Variants in GATB observed in about 807,000 individuals in gnomAD.
The protein encoded by GATB is glutamyl-tRNA amidotransferase subunit B.
Under a neutral mutation model 62.3 loss-of-function variants are expected in GATB, and 39 were observed. The observed-to-expected ratio is 0.63, with a 90% CI of 0.48 to 0.82. GATB has a LOEUF of 0.82. Among genes scored for constraint, GATB ranks in the 40% least tolerant of loss-of-function variants. The pLI, the probability that GATB is intolerant of heterozygous loss-of-function variation, is 0.00. For missense variants in GATB, 670 were observed against 684.0 expected, an observed-to-expected ratio of 0.98 and a Z score of 0.23; for synonymous variants, 276 against 258.9, an observed-to-expected ratio of 1.07 and a Z score of -0.63.
intron 2 of GATB, among the ~76,000 whole-genome samples, chr4:151,757,611 T>C (rs1224717704): frequency 6.6e-6 from 1 of 151,822 alleles, no homozygotes; most frequent in Non-Finnish European, 1.5e-5. Context: ...TAACTGGGAC[T>C]ACAGGAGCCC....
At chr4:151,755,181 C>A (rs1441018463) in intron 2 of GATB, among the ~76,000 whole-genome samples, 7 of 152,154 alleles carry the variant, frequency 4.6e-5, no homozygotes, top group Non-Finnish European at 7.4e-5. Context: ...TCACACAAAT[C>A]CAATGAGTCA....
At chr4:151,727,451 A>T (rs1365764207) in intron 2 of GATB, among the ~76,000 whole-genome samples, 2 of 152,240 alleles carry the variant, frequency 1.3e-5, no homozygotes, top group African/African-American at 4.8e-5. Context: ...ATACTTGGCC[A>T]GTTAGCCATG....
At chr4:151,725,149 A>G (rs1224783565) in intron 2 of GATB, among the ~76,000 whole-genome samples, 2 of 152,258 alleles carry the variant, frequency 1.3e-5, no homozygotes, top group Non-Finnish European at 2.9e-5. Context: ...TAGAAGCTGG[A>G]GCCATGGGTA....
At chr4:151,713,641 T>C (rs1738861896) in intron 5 of GATB, among the ~76,000 whole-genome samples, 1 of 152,212 alleles carries the variant, frequency 6.6e-6, no homozygotes, top group South Asian at 2.1e-4. Flanking sequence ...AATCAAAGCC[T>C]GGGAACCTAC....
At chr4:151,736,028 G>A (rs769940348) in intron 2 of GATB, among the ~76,000 whole-genome samples, 1 of 151,626 alleles carries the variant, frequency 6.6e-6, no homozygotes, top group East Asian at 1.9e-4. Flanking sequence ...GGAAAAAAAA[G>A]AAGAAACTAA....
chr4:151,755,605 C>T (rs1739811664), intron 2 of GATB, among the ~76,000 whole-genome samples: 1 of 152,096 alleles, frequency 6.6e-6, no homozygotes, highest in African/African-American at 2.4e-5. Flanking sequence ...TCTCCCCAAC[C>T]CAAGGACAAA....
intron 2 of GATB, among the ~76,000 whole-genome samples, chr4:151,738,217 ACC>A (rs943935325): frequency 2.3e-4 from 35 of 152,304 alleles, no homozygotes; most frequent in African/African-American, 4.8e-4. Flanking sequence ...GACCATGGGA[ACC>A]CATCTTTTGC....
chr4:151,751,170 G>C (rs1417216307), intron 2 of GATB, among the ~76,000 whole-genome samples: 1 of 152,088 alleles, frequency 6.6e-6, no homozygotes, highest in Admixed American at 6.5e-5. Flanking sequence ...TGTGAGAACA[G>C]GGGTGTGGTA....
intron 9 of GATB, among the ~76,000 whole-genome samples, chr4:151,696,436 C>T (rs1738471202): frequency 6.6e-6 from 1 of 152,208 alleles, no homozygotes; most frequent in South Asian, 2.1e-4. Context: ...TGACTCCAAA[C>T]ATCAATTAAC....
At chr4:151,700,782 G>C (rs1738586508) in intron 9 of GATB, among the ~76,000 whole-genome samples, 1 of 152,214 alleles carries the variant, frequency 6.6e-6, no homozygotes, top group African/African-American at 2.4e-5. Flanking sequence ...GATCTTGACA[G>C]TGTCAGGTTC....
At chr4:151,675,297 T>C (rs1737974789) in intron 11 of GATB, 1 of 152,118 alleles carries the variant, frequency 6.6e-6, no homozygotes, top group Non-Finnish European at 1.5e-5. Flanking sequence ...GTGGCTGAAA[T>C]GTCCTTTCCT....
At chr4:151,696,167 T>G (rs10001439) in intron 9 of GATB, among the ~76,000 whole-genome samples, 20,802 of 152,152 alleles carry the variant, frequency 0.14, 1,631 homozygotes, top group African/African-American at 0.21. Context: ...ACGGCTTATA[T>G]TACTTTTCTT....
intron 9 of GATB, among the ~76,000 whole-genome samples, chr4:151,697,963 A>ATATGTGTG (rs1553967150): frequency 3.4e-5 from 4 of 116,672 alleles, no homozygotes; most frequent in African/African-American, 1.2e-4. Context: ...GTATATATAT[A>ATATGTGTG]TATATATATA....
At chr4:151,725,957 G>T (rs959775147) in intron 2 of GATB, among the ~76,000 whole-genome samples, 2 of 152,118 alleles carry the variant, frequency 1.3e-5, no homozygotes, top group Non-Finnish European at 2.9e-5. Flanking sequence ...TTAAAAAATT[G>T]AGGTGACATG....
intron 2 of GATB, among the ~76,000 whole-genome samples, chr4:151,728,711 T>C (rs1323985122): frequency 6.6e-6 from 1 of 152,212 alleles, no homozygotes; most frequent in Non-Finnish European, 1.5e-5. Context: ...GAATCAGTGA[T>C]AGTAACAAGA....
At chr4:151,702,167 G>A (rs1425058540) in intron 8 of GATB, among the ~76,000 whole-genome samples, 3 of 152,118 alleles carry the variant, frequency 2.0e-5, no homozygotes, top group Non-Finnish European at 4.4e-5. Context: ...GACACAGGCT[G>A]GAAAAAACAG....
At chr4:151,724,830 T>C (rs1050704302) in intron 2 of GATB, among the ~76,000 whole-genome samples, 1 of 152,108 alleles carries the variant, frequency 6.6e-6, no homozygotes, top group African/African-American at 2.4e-5. Context: ...TCAGGTCATT[T>C]TGTCTTATTC....
At chr4:151,676,342 C>T (rs369537310) in intron 11 of GATB, 38 of 152,350 alleles carry the variant, frequency 2.5e-4, no homozygotes, top group African/African-American at 8.4e-4. Context: ...GTGTTAAACG[C>T]GATTTCCATC....
At chr4:151,705,340 A>T (rs1738694850) in intron 6 of GATB, 71 bp from the exon 7 acceptor site, 1 of 957,316 alleles carries the variant, frequency 1.0e-6, no homozygotes, top group Non-Finnish European at 1.6e-6. Flanking sequence ...ATAATTAGAA[A>T]CAACCTTTCT....
Sources: allele counts gnomAD v4.1 joint callset (sites outside exome capture counted in the v4.1 genomes callset), GRCh38; gene constraint gnomAD v4.1.1; transcripts MANE v1.5; gene names NCBI Gene and HGNC (gene_info 2026-07-23, HGNC 2026-07-21).